Variants in PBX4 observed in about 807,000 individuals in gnomAD.
PBX4 encodes pre-B-cell leukemia transcription factor 4.
Under a neutral mutation model 35.1 loss-of-function variants are expected in PBX4, and 26 were observed. That is an observed-to-expected ratio of 0.74 (90% CI 0.54 to 1.03). PBX4 has a LOEUF of 1.03. Ranked by LOEUF, PBX4 falls within the 50% of genes least tolerant of loss-of-function variation. The pLI is 0.00. For synonymous variants in PBX4, 199 were observed against 204.2 expected, an observed-to-expected ratio of 0.97 and a Z score of 0.22; for missense variants, 448 against 504.3, an observed-to-expected ratio of 0.89 and a Z score of 1.07.
intron 5 of PBX4, among the ~76,000 whole-genome samples, chr19:19,568,402 C>T (rs1383854955): frequency 3.6e-4 from 51 of 142,798 alleles, no homozygotes; most frequent in Non-Finnish European, 5.7e-4. Flanking sequence ...GCTCACACTC[C>T]ATCTGTATCC....
chr19:19,568,838 C>T (rs187706953), intron 5 of PBX4, among the ~76,000 whole-genome samples: 12 of 152,026 alleles, frequency 7.9e-5, no homozygotes, highest in African/African-American at 2.4e-4. Flanking sequence ...GCTCACACTC[C>T]GTCTGTGTCC....
intron 1 of PBX4, among the ~76,000 whole-genome samples, chr19:19,600,383 G>A (rs889740644): frequency 1.3e-5 from 2 of 151,914 alleles, no homozygotes; most frequent in African/African-American, 4.8e-5. Flanking sequence ...AAAATTAGCT[G>A]GGCATGGTGG....
At chr19:19,565,704 G>A (rs960810094) in intron 5 of PBX4, among the ~76,000 whole-genome samples, 1 of 152,030 alleles carries the variant, frequency 6.6e-6, no homozygotes, top group African/African-American at 2.4e-5. Flanking sequence ...GATCATCTGA[G>A]GTCAGGAGTT....
Position 19,564,999 on chromosome 19 carries a change from C to A in PBX4, c.859G>T (p.Ala287Ser), listed in dbSNP as rs1355627152. The change falls in exon 6 of 8, where the codon GCT becomes TCT. Residue 287 changes from alanine to serine, a missense_variant. By Grantham distance (99) the Ala-to-Ser change is moderately conservative. Transcript: ENST00000251203. ...ACCCCAACTTCCGTGGTATCCACAG[C>A]CGTTTTACCCGTGTAAATGGTAGCC... ...EEATIYTGKT[A>S]VDTTEVGVPG... The A allele has an allele frequency of 3.7e-6, 6 of 1,614,202 alleles. No individual in the cohort carries two copies. The South Asian group carries it at 5.5e-5, about 15-fold the overall frequency.
chr19:19,576,407 G>A (rs890989029), intron 2 of PBX4, among the ~76,000 whole-genome samples: 3 of 151,936 alleles, frequency 2.0e-5, no homozygotes, highest in African/African-American at 7.3e-5. Flanking sequence ...TGTATATTTA[G>A]TAGAGACGGG....
chr19:19,563,631 G>T lies in PBX4; in HGVS notation c.926-16C>A, dbSNP rs531871700. The T allele has an allele frequency of 9.1e-6, 14 of 1,545,126 alleles. No homozygotes were observed. The South Asian group carries it at 1.5e-4, about 17-fold the overall frequency. On this transcript the variant is annotated splice_polypyrimidine_tract_variant and intron_variant, in intron 6 of 7. Coordinates refer to ENST00000251203, the MANE Select transcript of PBX4 (RefSeq NM_025245.3). This position sits in a 1 kb window ranked among gnomAD's most constrained non-coding sequence, Gnocchi z 5.1. ...CCAGAGGAGCCTGGAAGAGATGGGA[G>T]CCGGGGTGGGCAGAGTCGTGGCGCC...
In PBX4 at chr19:19,563,792, A is replaced by C; in HGVS notation, c.926-177T>G. 5.1e-6 allele frequency: 3 copies of C among 586,212 alleles called. No homozygotes were observed. Among genetic ancestry groups the C allele is most frequent in the Non-Finnish European group, 9.2e-6 (3 of 324,590 alleles). 36.3% of individuals were successfully genotyped at this position (586,212 alleles called of 1,614,324 possible). The stretch of plus-strand genomic sequence containing the variant: ...GCGGGCCCTCCCCACCACACTACTC[A>C]TGTCCCCTCATGGCTTGTCTTTTTT... On this transcript the variant is annotated intron_variant, in intron 6 of 7. Transcript: ENST00000251203. This position sits in a 1 kb window ranked among gnomAD's most constrained non-coding sequence, Gnocchi z 5.1.
intron 1 of PBX4, chr19:19,608,349 C>CAA (rs113078814): frequency 8.7e-5 from 10 of 115,462 alleles, no homozygotes; most frequent in African/African-American, 2.4e-4. Context: ...GACCCTGTCT[C>CAA]AAAAAAAAAA....
Position 19,564,922 on chromosome 19 carries a change from G to C in PBX4, c.925+11C>G. ...GGTACAGATGACTGTCCCTGGGCCAGCCTCACTCACCGGAGCTAGGTGTTG... is the reference window on the plus strand; with the variant it reads ...GGTACAGATGACTGTCCCTGGGCCACCCTCACTCACCGGAGCTAGGTGTTG... On this transcript the variant is annotated intron_variant, in intron 6 of 7. Coordinates refer to ENST00000251203, the MANE Select transcript of PBX4 (RefSeq NM_025245.3). The C allele has an allele frequency of 6.2e-7, 1 of 1,614,244 alleles. No homozygotes were observed.
At chr19:19,589,071 T>G (rs1474866513) in intron 2 of PBX4, among the ~76,000 whole-genome samples, 1 of 151,992 alleles carries the variant, frequency 6.6e-6, no homozygotes, top group Non-Finnish European at 1.5e-5. Context: ...AAGGGAGCAG[T>G]GAGCTATGAT....
intron 1 of PBX4, among the ~76,000 whole-genome samples, chr19:19,605,729 C>A (rs1454283580): frequency 1.3e-5 from 2 of 151,346 alleles, no homozygotes; most frequent in Non-Finnish European, 2.9e-5. Context: ...TTTGGCCTCA[C>A]AAAGTGTTAG....
chr19:19,583,139 G>A (rs1042987582), intron 2 of PBX4, among the ~76,000 whole-genome samples: 5 of 151,498 alleles, frequency 3.3e-5, no homozygotes, highest in South Asian at 2.1e-4. Context: ...CCAACATGGC[G>A]AAACCCCGTC....
chr19:19,593,754 C>CA (rs1053662162), intron 2 of PBX4, among the ~76,000 whole-genome samples: 20 of 152,274 alleles, frequency 1.3e-4, no homozygotes, highest in African/African-American at 4.6e-4. Context: ...GGGAAGAAAG[C>CA]ATTAGCTTCC....
chr19:19,602,675 T>A (rs998679121), intron 1 of PBX4, among the ~76,000 whole-genome samples: 4 of 151,960 alleles, frequency 2.6e-5, no homozygotes, highest in Admixed American at 2.0e-4. Flanking sequence ...ACTCAAGAGA[T>A]CCCCCCGCCT....
chr19:19,614,734 A>G (rs1362086078), intron 1 of PBX4, among the ~76,000 whole-genome samples: 1 of 152,008 alleles, frequency 6.6e-6, no homozygotes, highest in East Asian at 1.9e-4. Context: ...AAAAACCACA[A>G]TGAAAACAGT....
In PBX4 at chr19:19,563,832, C is replaced by T. The variant is rs2061324059; in HGVS notation, c.926-217G>A. ...TTGTCTTTTTTTTTTCTTTTTAAGACAGTCTCGCTCTGTCACCCAGGCTTG... is the reference window on the plus strand; with the variant it reads ...TTGTCTTTTTTTTTTCTTTTTAAGATAGTCTCGCTCTGTCACCCAGGCTTG... On this transcript the variant is annotated intron_variant, in intron 6 of 7. Coordinates refer to ENST00000251203, the MANE Select transcript of PBX4 (RefSeq NM_025245.3). This position sits in a 1 kb window ranked among gnomAD's most constrained non-coding sequence, Gnocchi z 5.1. 2.2e-6 allele frequency: 1 copy of T among 451,640 alleles called. No homozygotes were observed. The highest frequency in any genetic ancestry group is 4.1e-6 in the Non-Finnish European group (1 of 243,670). 28.0% of individuals were successfully genotyped at this position (451,640 alleles called of 1,614,324 possible).
intron 5 of PBX4, among the ~76,000 whole-genome samples, chr19:19,566,168 C>T (rs983869040): frequency 6.6e-6 from 1 of 152,158 alleles, no homozygotes; most frequent in Admixed American, 6.5e-5. Flanking sequence ...GGAATCAGCC[C>T]AGCTCTGACT....
intron 1 of PBX4, among the ~76,000 whole-genome samples, chr19:19,611,363 G>A (rs1599383343): frequency 1.3e-5 from 2 of 152,102 alleles, no homozygotes; most frequent in East Asian, 3.8e-4. Context: ...TCTACTAGTT[G>A]AGGTCATAAT....
intron 2 of PBX4, among the ~76,000 whole-genome samples, chr19:19,577,943 C>T (rs542783557): frequency 2.7e-4 from 41 of 149,696 alleles, no homozygotes; most frequent in East Asian, 1.8e-3. Context: ...TTTGGGAGGC[C>T]GAGGCAGGCA....
Sources: allele counts gnomAD v4.1 joint callset (sites outside exome capture counted in the v4.1 genomes callset), GRCh38; gene constraint gnomAD v4.1.1; non-coding constraint Gnocchi (gnomAD v3.1); transcripts MANE v1.5; gene names NCBI Gene and HGNC (gene_info 2026-07-23, HGNC 2026-07-21).